Variants in ZBTB20 observed in about 807,000 individuals in gnomAD.
The protein encoded by ZBTB20 is zinc finger and BTB domain-containing protein 20.
In ZBTB20, 9 loss-of-function variants were observed where a neutral mutation model predicts 56.9. That is an observed-to-expected ratio of 0.16 (90% CI 0.10 to 0.28). The LOEUF is 0.28. Ranked by LOEUF, ZBTB20 falls within the 10% of genes least tolerant of loss-of-function variation. The pLI is 1.00. For missense variants in ZBTB20, 655 were observed against 1,003.0 expected, an observed-to-expected ratio of 0.65 and a Z score of 4.69; for synonymous variants, 417 against 420.7, an observed-to-expected ratio of 0.99 and a Z score of 0.11.
intron 4 of ZBTB20, among the ~76,000 whole-genome samples, chr3:114,897,944 A>G (rs1347176789): frequency 1.3e-5 from 2 of 151,448 alleles, no homozygotes; most frequent in African/African-American, 4.9e-5. Flanking sequence ...AGAATGATCT[A>G]TCTAAAGCAA....
intron 6 of ZBTB20, among the ~76,000 whole-genome samples, chr3:114,638,103 G>A (rs2059372489): frequency 6.6e-6 from 1 of 152,032 alleles, no homozygotes; most frequent in Non-Finnish European, 1.5e-5. Flanking sequence ...TCTCTAATTT[G>A]CTTGCTTCTC....
chr3:114,521,570 C>T (rs1389267114), intron 6 of ZBTB20, among the ~76,000 whole-genome samples: 1 of 152,138 alleles, frequency 6.6e-6, no homozygotes, highest in Non-Finnish European at 1.5e-5. Context: ...ACCACATTAG[C>T]TCAGAGCATC....
chr3:114,849,898 C>CTTTTTTTTTT (rs34170211), intron 4 of ZBTB20, among the ~76,000 whole-genome samples: 1 of 114,894 alleles, frequency 8.7e-6, no homozygotes, highest in Non-Finnish European at 1.7e-5. Flanking sequence ...ATCAGGAAAT[C>CTTTTTTTTTT]TTTTTTTTTT....
intron 10 of ZBTB20, among the ~76,000 whole-genome samples, chr3:114,354,609 T>C (rs1482229814): frequency 8.0e-6 from 1 of 125,206 alleles, no homozygotes; most frequent in African/African-American, 3.1e-5. Context: ...TTTGACAGAG[T>C]CTTGCTCTGT....
At chr3:114,973,194 C>A (rs947524505) in intron 3 of ZBTB20, among the ~76,000 whole-genome samples, 2 of 152,052 alleles carry the variant, frequency 1.3e-5, no homozygotes, top group African/African-American at 4.8e-5. Flanking sequence ...ACTTCTGTAC[C>A]TTAAAATATT....
At chr3:114,533,043 T>C (rs190165843) in intron 6 of ZBTB20, among the ~76,000 whole-genome samples, 52 of 151,994 alleles carry the variant, frequency 3.4e-4, no homozygotes, top group African/African-American at 1.2e-3. Flanking sequence ...AAAAACCAGC[T>C]TAAAAAGGCT....
chr3:114,937,890 G>A (rs1296831896), intron 3 of ZBTB20, among the ~76,000 whole-genome samples: 1 of 152,056 alleles, frequency 6.6e-6, no homozygotes, highest in Non-Finnish European at 1.5e-5. Flanking sequence ...AAGGTCAGGA[G>A]ATCAAGACCA....
intron 2 of ZBTB20, among the ~76,000 whole-genome samples, chr3:115,016,867 T>C (rs1172180407): frequency 6.6e-6 from 1 of 151,640 alleles, no homozygotes; most frequent in African/African-American, 2.4e-5. Context: ...AAACTAGGTA[T>C]TGAAAGAACA....
chr3:114,821,487 T>G (rs1486565670), intron 4 of ZBTB20, among the ~76,000 whole-genome samples: 1 of 152,130 alleles, frequency 6.6e-6, no homozygotes, highest in Non-Finnish European at 1.5e-5. Flanking sequence ...CAGCTCACCT[T>G]CTATTAAGAT....
intron 2 of ZBTB20, among the ~76,000 whole-genome samples, chr3:115,068,854 T>C (rs1220338632): frequency 6.6e-6 from 1 of 151,986 alleles, no homozygotes; most frequent in Non-Finnish European, 1.5e-5. Context: ...TGTAAATCAC[T>C]GTAGATAGTA....
chr3:115,096,058 T>C (rs1184087478), intron 1 of ZBTB20, among the ~76,000 whole-genome samples: 2 of 152,200 alleles, frequency 1.3e-5, no homozygotes, highest in Admixed American at 1.3e-4. Flanking sequence ...TGGTGTAAAG[T>C]ATCAAATGTA....
chr3:115,074,885 T>C (rs2108520319), intron 1 of ZBTB20, among the ~76,000 whole-genome samples: 1 of 152,276 alleles, frequency 6.6e-6, no homozygotes, highest in East Asian at 1.9e-4. Flanking sequence ...TCTACCTTTT[T>C]ATTTTTTCTT....
intron 1 of ZBTB20, among the ~76,000 whole-genome samples, chr3:115,111,488 G>T (rs184926399): frequency 2.6e-3 from 390 of 152,150 alleles, no homozygotes; most frequent in Admixed American, 4.4e-3. Context: ...TGTAACTTTT[G>T]TCTAAAGTAA....
At chr3:114,513,945 A>ACATAATAAC (rs1187674917) in intron 6 of ZBTB20, among the ~76,000 whole-genome samples, 1 of 151,986 alleles carries the variant, frequency 6.6e-6, no homozygotes, top group African/African-American at 2.4e-5. Context: ...TTTAGAGAAG[A>ACATAATAAC]CATAATAACA....
At chr3:115,117,694 T>G (rs1281643419) in intron 1 of ZBTB20, among the ~76,000 whole-genome samples, 1 of 152,168 alleles carries the variant, frequency 6.6e-6, no homozygotes, top group African/African-American at 2.4e-5. Context: ...GCTTGTGATA[T>G]ACAATATTTA....
chr3:114,319,173 T>C lies in ZBTB20; in HGVS notation c.*19832A>G, dbSNP rs2078802882. ...GTTTTTTTCTTTTTTTTTTTTTAAA[T>C]AATGTCTTCACCAAAAAAACAGTCT... On this transcript the variant is annotated 3_prime_UTR_variant, in exon 12 of 12. Coordinates refer to ENST00000675478, the MANE Select transcript of ZBTB20 (RefSeq NM_001348800.3). 1 of 151,326 alleles carries C rather than the reference T, an allele frequency of 6.6e-6. No individual in the cohort carries two copies. Among genetic ancestry groups the C allele is most frequent in the Admixed American group, 6.6e-5 (1 of 15,206 alleles). 9.4% of individuals were successfully genotyped at this position (151,326 alleles called of 1,614,324 possible).
intron 7 of ZBTB20, among the ~76,000 whole-genome samples, chr3:114,475,365 T>C (rs533794512): frequency 4.2e-4 from 64 of 152,298 alleles, no homozygotes; most frequent in African/African-American, 1.4e-3. Context: ...CTATTAATTC[T>C]AGCAAAGTAG....
intron 2 of ZBTB20, among the ~76,000 whole-genome samples, chr3:114,995,469 T>C (rs776953127): frequency 5.3e-5 from 8 of 151,838 alleles, no homozygotes; most frequent in Non-Finnish European, 7.4e-5. Context: ...AGTTTCCATT[T>C]AGAATCATTA....
At chr3:114,841,023 C>T (rs1244299770) in intron 4 of ZBTB20, among the ~76,000 whole-genome samples, 8 of 152,042 alleles carry the variant, frequency 5.3e-5, no homozygotes, top group Non-Finnish European at 1.0e-4. Flanking sequence ...TTTATTCATT[C>T]ACTCAACAAG....
Sources: gnomAD v4.1 joint callset for allele counts (sites outside exome capture counted in the v4.1 genomes callset) on GRCh38, gnomAD v4.1.1 for gene constraint, MANE v1.5 for transcripts, NCBI Gene and HGNC (gene_info 2026-07-23, HGNC 2026-07-21) for gene names.